The following EHBP1 variants were observed in gnomAD, a reference collection of about 807,000 sequenced individuals.
EHBP1 encodes the protein EH domain-binding protein 1.
A neutral mutation model predicts 144.0 loss-of-function variants in EHBP1; 55 were observed. That is an observed-to-expected ratio of 0.38 (90% CI 0.31 to 0.48). EHBP1 has a LOEUF of 0.48. EHBP1 is among the 20% of genes least tolerant of loss of function. EHBP1 has a pLI of 0.98. For missense variants in EHBP1, 1,200 were observed against 1,364.2 expected (o/e 0.88, Z 1.90); for synonymous variants, 469 against 472.7 (o/e 0.99, Z 0.10).
chr2:62,920,668 T>G (rs1481770706), intron 10 of EHBP1, among the ~76,000 whole-genome samples: 1 of 152,100 alleles, frequency 6.6e-6, no homozygotes, highest in Non-Finnish European at 1.5e-5. Context: ...TCATATTTTT[T>G]TTTTCTTTTT....
chr2:62,917,547 T>C (rs2054732100), intron 10 of EHBP1, among the ~76,000 whole-genome samples: 1 of 152,190 alleles, frequency 6.6e-6, no homozygotes, highest in Admixed American at 6.5e-5. Flanking sequence ...ATTGACTCTA[T>C]AGTTCAGGTA....
chr2:62,888,872 T>A (rs2052173282), intron 10 of EHBP1, among the ~76,000 whole-genome samples: 1 of 151,880 alleles, frequency 6.6e-6, no homozygotes, highest in African/African-American at 2.4e-5. Context: ...CTGATAAACT[T>A]CACTTTAGGA....
rs775192842 is a variant in EHBP1 at position 63,045,217 on chromosome 2, C to T, written c.3392+37C>T. 7 of 1,534,524 alleles carry T rather than the reference C, an allele frequency of 4.6e-6. No homozygotes were observed. In the Admixed American group the frequency reaches 9.6e-5, roughly 21 times the overall value. ...GTGGGGTCGGGTCGAGGCTGGGCCACCTGCCGAGGGGCCGAGAAGTGTGCG... is the reference window on the plus strand; with the variant it reads ...GTGGGGTCGGGTCGAGGCTGGGCCATCTGCCGAGGGGCCGAGAAGTGTGCG... On this transcript the variant is annotated intron_variant, in intron 22 of 22. Transcript: ENST00000431489. This position sits in a 1 kb window ranked among gnomAD's most constrained non-coding sequence, Gnocchi z 5.7.
chr2:62,957,368 A>G (rs1393216400), intron 14 of EHBP1, among the ~76,000 whole-genome samples: 2 of 152,176 alleles, frequency 1.3e-5, no homozygotes, highest in African/African-American at 2.4e-5. Context: ...ATGTGCTAAA[A>G]TGTACATATA....
chr2:62,852,379 C>T (rs1284314999), intron 7 of EHBP1, among the ~76,000 whole-genome samples: 2 of 151,890 alleles, frequency 1.3e-5, no homozygotes, highest in Admixed American at 6.6e-5. Flanking sequence ...GATGCAAAGC[C>T]TTTCCTACTG....
chr2:62,859,748 G>A (rs982013768), intron 8 of EHBP1, among the ~76,000 whole-genome samples: 2 of 151,902 alleles, frequency 1.3e-5, no homozygotes, highest in African/African-American at 2.4e-5. Flanking sequence ...GTTAAGAACC[G>A]CTGCTATTAT....
At chr2:62,861,237 C>T (rs2049511696) in intron 8 of EHBP1, among the ~76,000 whole-genome samples, 1 of 147,574 alleles carries the variant, frequency 6.8e-6, no homozygotes, top group African/African-American at 2.5e-5. Context: ...TCAAGCGTTT[C>T]TCCTGCCTCA....
At position 62,841,716 on chromosome 2, in the gene EHBP1, C is replaced by A. The variant is rs10166922; in HGVS notation, c.634+10558C>A. Among the ~76,000 whole-genome samples the A allele has an allele frequency of 2.4e-3, 369 of 152,222 alleles. 1 individual carries two copies. The highest frequency in any genetic ancestry group is 8.5e-3 in the African/African-American group (353 of 41,540). The stretch of plus-strand genomic sequence containing the variant: ...TTTTTAAATGTGATATCTTTCCCAT[C>A]TTTGAGTTTTGGCTTCTTTTCTTTT... On this transcript the variant is annotated intron_variant, in intron 7 of 22. Transcript: ENST00000431489.
chr2:62,973,195 A>G (rs1002510712), intron 14 of EHBP1, among the ~76,000 whole-genome samples: 1 of 152,172 alleles, frequency 6.6e-6, no homozygotes, highest in East Asian at 1.9e-4. Flanking sequence ...TATTCAGAAA[A>G]CTAGAATCAT....
chr2:62,841,175 T>G (rs1194060071), intron 7 of EHBP1, among the ~76,000 whole-genome samples: 1 of 151,920 alleles, frequency 6.6e-6, no homozygotes, highest in Non-Finnish European at 1.5e-5. Flanking sequence ...AAAGGGTGAG[T>G]TCATGTCCTT....
chr2:62,695,342 C>G (rs1572877932), intron 1 of EHBP1, among the ~76,000 whole-genome samples: 1 of 152,148 alleles, frequency 6.6e-6, no homozygotes, highest in East Asian at 1.9e-4. Flanking sequence ...CTCCGGATGA[C>G]AGAGCGAGAC....
At chr2:62,878,099 A>G (rs895220229) in intron 10 of EHBP1, among the ~76,000 whole-genome samples, 2 of 152,210 alleles carry the variant, frequency 1.3e-5, no homozygotes, top group Non-Finnish European at 2.9e-5. Flanking sequence ...TTAGGCTAGT[A>G]AAAGAGAAGA....
chr2:62,776,479 G>A (rs1290233921), intron 5 of EHBP1, among the ~76,000 whole-genome samples: 3 of 152,124 alleles, frequency 2.0e-5, no homozygotes, highest in African/African-American at 7.2e-5. Flanking sequence ...GGACACAGAA[G>A]AATATAAAGG....
At chr2:62,747,857 A>G (rs1034814135) in intron 3 of EHBP1, among the ~76,000 whole-genome samples, 2 of 152,002 alleles carry the variant, frequency 1.3e-5, no homozygotes, top group Non-Finnish European at 2.9e-5. Context: ...TCAATTAGGC[A>G]TCCTTATAAA....
chr2:62,935,344 A>ATATATATAT (rs1553479001), intron 10 of EHBP1, among the ~76,000 whole-genome samples: 3 of 121,488 alleles, frequency 2.5e-5, no homozygotes, highest in East Asian at 2.2e-4. Flanking sequence ...AAAAAAAAAA[A>ATATATATAT]ATATATATAT....
rs138324343 is a variant in EHBP1 at position 62,692,255 on chromosome 2, C to A, written c.-295-14642C>A. On this transcript the variant is annotated intron_variant, in intron 1 of 22. Coordinates refer to the EHBP1 transcript ENST00000405015. ...AAAATATTCCATTGTATGATAATGC[C>A]ACATTTTGTTTATCCATTCATGAGC... Among the ~76,000 whole-genome samples, 287 of 152,144 alleles carry A rather than the reference C, an allele frequency of 1.9e-3. 1 individual carries two copies. The highest frequency in any genetic ancestry group is 6.6e-3 in the African/African-American group (272 of 41,502).
At chr2:62,782,871 C>T (rs549888194) in intron 5 of EHBP1, among the ~76,000 whole-genome samples, 16 of 152,082 alleles carry the variant, frequency 1.1e-4, no homozygotes, top group Non-Finnish European at 2.1e-4. Context: ...CCAACAGTCC[C>T]CCAAAGTCTT....
chr2:63,030,995 C>T (rs889383779), intron 19 of EHBP1, among the ~76,000 whole-genome samples: 2 of 151,960 alleles, frequency 1.3e-5, no homozygotes, highest in African/African-American at 4.8e-5. Flanking sequence ...CAGGGTTTCA[C>T]CATGTTGGCC....
chr2:62,921,910 C>A (rs1178101774), intron 10 of EHBP1, among the ~76,000 whole-genome samples: 2 of 152,228 alleles, frequency 1.3e-5, no homozygotes, highest in African/African-American at 4.8e-5. Context: ...GGCGTGGTGG[C>A]TCACGCCTGT....
Sources: gnomAD v4.1 joint callset for allele counts (sites outside exome capture counted in the v4.1 genomes callset) on GRCh38, gnomAD v4.1.1 for gene constraint, Gnocchi (gnomAD v3.1) non-coding constraint, MANE v1.5 for transcripts, NCBI Gene and HGNC (gene_info 2026-07-23, HGNC 2026-07-21) for gene names.